MFHAS1: variants seen among roughly 807,000 people sequenced by gnomAD.
MFHAS1 encodes malignant fibrous histiocytoma-amplified sequence 1.
A neutral mutation model predicts 70.4 loss-of-function variants in MFHAS1; 50 were observed. That is an observed-to-expected ratio of 0.71 (90% CI 0.57 to 0.90). MFHAS1 has a LOEUF of 0.90. Among genes scored for constraint, MFHAS1 ranks in the 40% least tolerant of loss-of-function variants. The pLI is 0.00. For synonymous variants in MFHAS1, 952 were observed against 620.0 expected (o/e 1.54, Z -7.96); for missense variants, 1,795 against 1,347.6 (o/e 1.33, Z -5.20).
chr8:8,805,845 G>A (rs976446128), intron 1 of MFHAS1, among the ~76,000 whole-genome samples: 5 of 151,520 alleles, frequency 3.3e-5, no homozygotes, highest in South Asian at 2.1e-4. Flanking sequence ...TTACAGGCGC[G>A]CACCACCATG....
intron 1 of MFHAS1, among the ~76,000 whole-genome samples, chr8:8,886,187 CTTTT>C (rs539238869): frequency 6.9e-6 from 1 of 144,250 alleles, no homozygotes; most frequent in South Asian, 2.2e-4. Flanking sequence ...CCAATCATTT[CTTTT>C]TTTTTTTTTA....
At chr8:8,881,484 T>C (rs1402737724) in intron 1 of MFHAS1, among the ~76,000 whole-genome samples, 1 of 152,208 alleles carries the variant, frequency 6.6e-6, no homozygotes, top group Admixed American at 6.5e-5. Flanking sequence ...TCTTCCTTCC[T>C]GCACCTATTC....
In MFHAS1 at chr8:8,797,514, G is replaced by T. The variant is rs768776792; in HGVS notation, c.2999-23C>A. On this transcript the variant is annotated intron_variant, in intron 1 of 2. Transcript: ENST00000276282. ...CCCCTGTAGGAGGAGAGAGAAAAAC[G>T]TGTTAGGGAGATGTGCACTAAAAAT... The T allele has an allele frequency of 2.5e-6, 4 of 1,605,574 alleles. No homozygotes were observed. In the African/African-American group the frequency reaches 5.4e-5, roughly 21 times the overall value.
At chr8:8,825,237 A>G (rs904554532) in intron 1 of MFHAS1, among the ~76,000 whole-genome samples, 3 of 152,254 alleles carry the variant, frequency 2.0e-5, no homozygotes, top group Middle Eastern at 6.8e-3. Context: ...CAGTGGCGCA[A>G]TCTCTGCTCA....
intron 1 of MFHAS1, among the ~76,000 whole-genome samples, chr8:8,879,763 GATCAGGT>G (rs1809439820): frequency 6.6e-6 from 1 of 152,132 alleles, no homozygotes; most frequent in East Asian, 1.9e-4. Context: ...CCAAGCCCAA[GATCAGGT>G]ATTTTATTTT....
Position 8,890,088 on chromosome 8 carries a change from CTCTCT to C in MFHAS1, c.2966_2970del (p.Lys989ArgfsTer57). On this transcript the variant is annotated frameshift_variant, in exon 1 of 3. Coordinates refer to ENST00000276282, the MANE Select transcript of MFHAS1 (RefSeq NM_004225.3). LOFTEE classifies it high-confidence loss of function. ...GGAAAAGCATGTGGATTGGGCGATC[CTCTCT>C]TAAGGCACTTAGAACAGAGAATGTG... 1 of 1,607,784 alleles carries C rather than the reference CTCTCT, an allele frequency of 6.2e-7. No homozygotes were observed. The highest frequency in any genetic ancestry group is 8.5e-7 in the Non-Finnish European group (1 of 1,175,638).
intron 1 of MFHAS1, among the ~76,000 whole-genome samples, chr8:8,805,333 C>G (rs970993113): frequency 1.3e-5 from 2 of 152,198 alleles, no homozygotes; most frequent in Non-Finnish European, 2.9e-5. Flanking sequence ...GACTGGAAGC[C>G]TTACCAATAA....
intron 1 of MFHAS1, among the ~76,000 whole-genome samples, chr8:8,839,008 C>T (rs1223988485): frequency 6.6e-6 from 1 of 152,072 alleles, no homozygotes; most frequent in African/African-American, 2.4e-5. Context: ...AATTCAAGTA[C>T]AAGTTACTAC....
intron 1 of MFHAS1, among the ~76,000 whole-genome samples, chr8:8,852,466 C>G (rs963483865): frequency 7.5e-6 from 1 of 133,374 alleles, no homozygotes; most frequent in Non-Finnish European, 1.6e-5. Context: ...GAGACCCTCT[C>G]TCAAACACAC....
intron 1 of MFHAS1, among the ~76,000 whole-genome samples, chr8:8,864,765 A>T (rs1432084658): frequency 2.0e-5 from 3 of 152,182 alleles, no homozygotes; most frequent in African/African-American, 7.2e-5. Context: ...TTTTATCTTT[A>T]AACTCACACC....
At chr8:8,847,330 T>C (rs546100460) in intron 1 of MFHAS1, among the ~76,000 whole-genome samples, 8 of 152,282 alleles carry the variant, frequency 5.3e-5, no homozygotes, top group Admixed American at 3.9e-4. Flanking sequence ...TAGAGGAATG[T>C]GCCACCGCAC....
chr8:8,860,629 C>T (rs949191279), intron 1 of MFHAS1, among the ~76,000 whole-genome samples: 9 of 152,298 alleles, frequency 5.9e-5, no homozygotes, highest in Non-Finnish European at 1.0e-4. Context: ...GATGAAGTGA[C>T]AGCCGCTTTC....
intron 1 of MFHAS1, among the ~76,000 whole-genome samples, chr8:8,845,164 T>A (rs1169024180): frequency 6.6e-6 from 1 of 152,238 alleles, no homozygotes; most frequent in African/African-American, 2.4e-5. Flanking sequence ...ATCAAGTGGA[T>A]TTTTTATGTT....
intron 1 of MFHAS1, among the ~76,000 whole-genome samples, chr8:8,856,171 T>C (rs1000518083): frequency 1.3e-5 from 2 of 152,204 alleles, no homozygotes; most frequent in Admixed American, 6.5e-5. Context: ...GGGGCCCTTA[T>C]TTGGAAAACA....
chr8:8,870,735 T>G (rs898133144), intron 1 of MFHAS1, among the ~76,000 whole-genome samples: 1 of 152,276 alleles, frequency 6.6e-6, no homozygotes, highest in African/African-American at 2.4e-5. Flanking sequence ...TACACAGCCC[T>G]GCAAATCTCT....
intron 1 of MFHAS1, among the ~76,000 whole-genome samples, chr8:8,881,564 T>C (rs1010630523): frequency 3.3e-5 from 5 of 152,224 alleles, no homozygotes; most frequent in African/African-American, 1.2e-4. Context: ...TGGCTGGGCA[T>C]GGTGGCTCAC....
At chr8:8,841,462 C>T (rs1436245799) in intron 1 of MFHAS1, among the ~76,000 whole-genome samples, 1 of 131,052 alleles carries the variant, frequency 7.6e-6, no homozygotes, top group Non-Finnish European at 1.7e-5. Context: ...ATCAAGACTT[C>T]GTCTCAAAAA....
At chr8:8,792,675 C>T (rs567391415) in intron 2 of MFHAS1, among the ~76,000 whole-genome samples, 1 of 152,210 alleles carries the variant, frequency 6.6e-6, no homozygotes, top group South Asian at 2.1e-4. Flanking sequence ...GGATAAGACA[C>T]AAGTTAACTG....
intron 1 of MFHAS1, among the ~76,000 whole-genome samples, chr8:8,852,985 G>C (rs1301212375): frequency 6.6e-6 from 1 of 152,092 alleles, no homozygotes; most frequent in Non-Finnish European, 1.5e-5. Context: ...TTTGTGGCTG[G>C]GAAGGTGGCC....
Sources: allele counts gnomAD v4.1 joint callset (sites outside exome capture counted in the v4.1 genomes callset), GRCh38; gene constraint gnomAD v4.1.1; transcripts MANE v1.5; gene names NCBI Gene and HGNC (gene_info 2026-07-23, HGNC 2026-07-21).